DZIP1: variants seen among roughly 807,000 people sequenced by gnomAD.
DZIP1 encodes DAZ interacting zinc finger protein 1.
A neutral mutation model predicts 107.6 loss-of-function variants in DZIP1; 97 were observed. That is an observed-to-expected ratio of 0.90 (90% CI 0.77 to 1.07). DZIP1 has a LOEUF of 1.07. DZIP1 is among the 50% of genes least tolerant of loss of function. DZIP1 has a pLI of 0.00. For synonymous variants in DZIP1, 390 were observed against 386.4 expected, an observed-to-expected ratio of 1.01 and a Z score of -0.11; for missense variants, 1,035 against 1,063.6, an observed-to-expected ratio of 0.97 and a Z score of 0.37.
At chr13:95,590,062 G>C in intron 17 of DZIP1, 130 bp from the exon 18 acceptor site, 1 of 1,270,972 alleles carries the variant, frequency 7.9e-7, no homozygotes, top group South Asian at 1.6e-5. Flanking sequence ...TTTAAAGCCA[G>C]ACTCTAGGGT....
At chr13:95,631,644 G>A (rs964676751) in intron 6 of DZIP1, among the ~76,000 whole-genome samples, 18 of 152,010 alleles carry the variant, frequency 1.2e-4, no homozygotes, top group Non-Finnish European at 2.2e-4. Flanking sequence ...CCTCTCTTGC[G>A]TCTTCATTTT....
At chr13:95,614,272 C>A (rs1231487346) in intron 10 of DZIP1, among the ~76,000 whole-genome samples, 1 of 152,110 alleles carries the variant, frequency 6.6e-6, no homozygotes, top group Non-Finnish European at 1.5e-5. Flanking sequence ...AGAATCTTTC[C>A]TTTCCTAGTG....
At chr13:95,624,276 A>G (rs1876264046) in intron 8 of DZIP1, among the ~76,000 whole-genome samples, 2 of 152,210 alleles carry the variant, frequency 1.3e-5, no homozygotes, top group Non-Finnish European at 2.9e-5. Context: ...GGTATCATCT[A>G]TGCATGAGGC....
intron 5 of DZIP1, among the ~76,000 whole-genome samples, chr13:95,638,256 A>C (rs1212305706): frequency 6.6e-6 from 1 of 151,822 alleles, no homozygotes; most frequent in Non-Finnish European, 1.5e-5. Flanking sequence ...CACCTGGCTA[A>C]TTTTTGTATT....
Position 95,644,535 on chromosome 13 carries a change from C to G in DZIP1, c.-684G>C, listed in dbSNP as rs1878899278. On this transcript the variant is annotated 5_prime_UTR_variant, in exon 1 of 23. Coordinates refer to ENST00000376829, the MANE Select transcript of DZIP1 (RefSeq NM_198968.4). ...CAGGCCGGCTCCTTCTTGCAGGGCGCAGGATGAAACGTGTCTGGTCTGGGC... is the reference window on the plus strand; with the variant it reads ...CAGGCCGGCTCCTTCTTGCAGGGCGGAGGATGAAACGTGTCTGGTCTGGGC... The G allele has an allele frequency of 6.5e-6, 1 of 152,916 alleles. No individual in the cohort carries two copies. The highest frequency in any genetic ancestry group is 1.5e-5 in the Non-Finnish European group (1 of 68,660). The allele number at this position is 152,916 out of a possible 1,614,324, so 9.5% of individuals were successfully genotyped here.
intron 16 of DZIP1, 115 bp from the exon 17 acceptor site, chr13:95,590,556 G>A: frequency 9.2e-7 from 1 of 1,083,186 alleles, no homozygotes. Context: ...CTCCAGTTGT[G>A]TGTAGAGGGT....
intron 15 of DZIP1, among the ~76,000 whole-genome samples, chr13:95,594,403 A>G (rs746005059): frequency 6.6e-6 from 1 of 152,190 alleles, no homozygotes; most frequent in Non-Finnish European, 1.5e-5. Context: ...ATGTTTTATC[A>G]CTAGAATTAT....
intron 21 of DZIP1, among the ~76,000 whole-genome samples, chr13:95,585,349 T>C (rs1291725069): frequency 1.3e-5 from 2 of 152,212 alleles, no homozygotes; most frequent in African/African-American, 4.8e-5. Context: ...ATGCCCTTCC[T>C]AAAGAAAGAT....
intron 16 of DZIP1, among the ~76,000 whole-genome samples, chr13:95,591,281 C>G (rs915954069): frequency 1.3e-5 from 2 of 152,122 alleles, no homozygotes; most frequent in African/African-American, 4.8e-5. Context: ...CCTGCCTTGG[C>G]CTCCCAAAGT....
intron 10 of DZIP1, among the ~76,000 whole-genome samples, chr13:95,616,780 G>T (rs1450328745): frequency 6.6e-6 from 1 of 152,078 alleles, no homozygotes; most frequent in Non-Finnish European, 1.5e-5. Flanking sequence ...CCTCCATTGT[G>T]CTTCTCAACC....
rs2044022205 is a variant in DZIP1, at chr13:95,582,094, C to T, written c.*140G>A. 11 of 730,192 alleles carry T rather than the reference C, an allele frequency of 1.5e-5. No individual in the cohort carries two copies. The South Asian group carries it at 1.9e-4, about 12-fold the overall frequency. 45.2% of individuals were successfully genotyped at this position (730,192 alleles called of 1,614,324 possible). ...ACTGTATTGGGTGCCATTAAAGAGA[C>T]CATTGTTCTTTGAATCAGTCTCTGT... On this transcript the variant is annotated 3_prime_UTR_variant, in exon 23 of 23. Coordinates refer to ENST00000376829, the MANE Select transcript of DZIP1 (RefSeq NM_198968.4).
chr13:95,581,065 A>G lies in DZIP1; in HGVS notation c.*1169T>C, dbSNP rs1191288751. On this transcript the variant is annotated 3_prime_UTR_variant, in exon 23 of 23. Transcript: ENST00000376829. The stretch of plus-strand genomic sequence containing the variant: ...TTCTCCCTCTGTAAGACCCCTAATA[A>G]GTACAAATTTAACTCAGAATTCATC... 1 of 152,262 alleles carries G rather than the reference A, an allele frequency of 6.6e-6. No homozygotes were observed. Among genetic ancestry groups the G allele is most frequent in the African/African-American group, 2.4e-5 (1 of 41,454 alleles). 9.4% of individuals were successfully genotyped at this position (152,262 alleles called of 1,614,324 possible).
chr13:95,605,008 A>C (rs2044730013), intron 14 of DZIP1, among the ~76,000 whole-genome samples: 1 of 152,218 alleles, frequency 6.6e-6, no homozygotes, highest in African/African-American at 2.4e-5. Context: ...TATGTGGAGA[A>C]TTTACACATT....
Position 95,641,651 on chromosome 13 carries a change from C to T in DZIP1, c.241G>A (p.Ala81Thr), listed in dbSNP as rs1386378271. The T allele has an allele frequency of 1.2e-6, 2 of 1,609,030 alleles. No individual in the cohort carries two copies. Among genetic ancestry groups the T allele is most frequent in the Non-Finnish European group, 8.5e-7 (1 of 1,180,016 alleles). Residue 81 changes from alanine to threonine, a missense_variant, in exon 5 of 23, where the codon GCG becomes ACG. Physicochemically the swap from Ala to Thr is moderately conservative, Grantham distance 58. Transcript: ENST00000376829. The surrounding 1 kb of genome is among the most constrained non-coding windows in gnomAD (Gnocchi z 4.3). ...RLSAIDVDKV[A>T]GAVDVLTLQE... Reference sequence around the variant, plus strand: ...AGCGTCAGCACGTCCACAGCCCCCGCCACCTTGTCCACGTCGATGGCGCTC... The same window carrying T: ...AGCGTCAGCACGTCCACAGCCCCCGTCACCTTGTCCACGTCGATGGCGCTC...
At chr13:95,607,639 G>A (rs2044824256) in intron 13 of DZIP1, among the ~76,000 whole-genome samples, 1 of 151,816 alleles carries the variant, frequency 6.6e-6, no homozygotes. Context: ...TCTAGCCTGT[G>A]AAGCCTAATG....
chr13:95,595,164 C>G (rs112946372), intron 15 of DZIP1, among the ~76,000 whole-genome samples: 18 of 152,302 alleles, frequency 1.2e-4, no homozygotes, highest in African/African-American at 4.3e-4. Flanking sequence ...GAGACTCTCC[C>G]TTCTGCTGCT....
intron 5 of DZIP1, among the ~76,000 whole-genome samples, chr13:95,640,725 A>G (rs1393682745): frequency 6.6e-6 from 1 of 152,222 alleles, no homozygotes; most frequent in East Asian, 1.9e-4. Flanking sequence ...GTTCTTAGAA[A>G]ATATACACAT....
intron 22 of DZIP1, chr13:95,584,502 A>C (rs1373458435): frequency 1.2e-6 from 1 of 804,416 alleles, no homozygotes; most frequent in Admixed American, 5.0e-5. Flanking sequence ...AATAAAAATA[A>C]ATTAAAAATT....
chr13:95,593,938 A>G lies in DZIP1; in HGVS notation c.1680+6T>C, dbSNP rs1478211837. On this transcript the variant is annotated splice_donor_region_variant and intron_variant, in intron 16 of 22. Coordinates refer to ENST00000376829, the MANE Select transcript of DZIP1 (RefSeq NM_198968.4). Reference sequence around the variant, plus strand: ...TAACAAATATTCCAAAAATGAATGAACATACTGCATTAATCCCCAAGGTTT... The same window carrying G: ...TAACAAATATTCCAAAAATGAATGAGCATACTGCATTAATCCCCAAGGTTT... 6.3e-7 allele frequency: 1 copy of G among 1,593,114 alleles called. No individual in the cohort carries two copies.
Sources: allele counts gnomAD v4.1 joint callset (sites outside exome capture counted in the v4.1 genomes callset), GRCh38; gene constraint gnomAD v4.1.1; non-coding constraint Gnocchi (gnomAD v3.1); transcripts MANE v1.5; gene names NCBI Gene and HGNC (gene_info 2026-07-23, HGNC 2026-07-21).